CNTNAP3: variants seen among roughly 807,000 people sequenced by gnomAD.
The protein encoded by CNTNAP3 is contactin-associated protein-like 3.
A neutral mutation model predicts 92.1 loss-of-function variants in CNTNAP3; 36 were observed. The observed-to-expected ratio is 0.39, with a 90% CI of 0.30 to 0.52. The LOEUF is 0.52. Ranked by LOEUF, CNTNAP3 falls within the 20% of genes least tolerant of loss-of-function variation. CNTNAP3 has a pLI of 0.76. For synonymous variants in CNTNAP3, 232 were observed against 422.3 expected (o/e 0.55, Z 5.53); for missense variants, 534 against 1,069.6 (o/e 0.50, Z 6.98).
At chr9:39,110,559 C>T (rs1270854461) in intron 14 of CNTNAP3, among the ~76,000 whole-genome samples, 1 of 152,088 alleles carries the variant, frequency 6.6e-6, no homozygotes, top group African/African-American at 2.4e-5. Flanking sequence ...AATTATGTGA[C>T]TGGGAAAATA....
At chr9:39,083,183 A>G (rs183057894) in intron 21 of CNTNAP3, among the ~76,000 whole-genome samples, 142 of 152,186 alleles carry the variant, frequency 9.3e-4, no homozygotes, top group African/African-American at 3.3e-3. Flanking sequence ...TATTTGAAAT[A>G]TAGTCCTTCA....
intron 23 of CNTNAP3, among the ~76,000 whole-genome samples, chr9:39,074,619 G>C (rs908907309): frequency 6.6e-6 from 1 of 151,750 alleles, no homozygotes; most frequent in African/African-American, 2.4e-5. Context: ...CTCTAAGACC[G>C]CGTACATCCT....
At chr9:39,133,693 GT>G (rs1204540956) in intron 12 of CNTNAP3, among the ~76,000 whole-genome samples, 1 of 151,962 alleles carries the variant, frequency 6.6e-6, no homozygotes, top group Non-Finnish European at 1.5e-5. Context: ...TTTCCAGGCG[GT>G]GACCCTGAGC....
At chr9:39,089,378 A>G (rs1327010403) in intron 18 of CNTNAP3, among the ~76,000 whole-genome samples, 9 of 152,338 alleles carry the variant, frequency 5.9e-5, no homozygotes, top group African/African-American at 1.2e-4. Flanking sequence ...TGTAGCATGT[A>G]TCAGTATTTT....
At position 39,132,994 on chromosome 9, in the gene CNTNAP3, G is replaced by A. The variant is rs1388447492; in HGVS notation, c.2018C>T (p.Ala673Val). Residue 673 changes from alanine (A) to valine (V), a missense_variant, in exon 13 of 24, where the codon GCG becomes GTG. Ala to Val is a moderately conservative substitution (Grantham distance 64). Coordinates refer to ENST00000297668, the MANE Select transcript of CNTNAP3 (RefSeq NM_033655.5). ...AGCCAGCCGCTGCTCGCAGCGCTCCGCCAGGTTCACCGCGGACCGCAGCTG... is the reference window on the plus strand; with the variant it reads ...AGCCAGCCGCTGCTCGCAGCGCTCCACCAGGTTCACCGCGGACCGCAGCTG... Reference protein sequence around the residue: ...AGQLRSAVNLAERCEQRLALR... With the variant: ...AGQLRSAVNLVERCEQRLALR... The A allele has an allele frequency of 1.9e-6, 3 of 1,540,264 alleles. No homozygotes were observed. The highest frequency in any genetic ancestry group is 1.4e-5 in the African/African-American group (1 of 72,542).
rs577431316 is a variant in CNTNAP3, at chr9:39,078,589, AAAG to A, written c.3673+98_3673+100del. 428 of 1,546,614 alleles carry A rather than the reference AAAG, an allele frequency of 2.8e-4. No homozygotes were observed. The African/African-American group carries it at 4.4e-3, about 16-fold the overall frequency. On this transcript the variant is annotated intron_variant, in intron 22 of 23. Transcript: ENST00000297668. ...AAAAATGTATTTTAAAAAAGGAAAAAAAGAAGGATGACAGAGACGGAGAAAAGA... is the reference window on the plus strand; with the variant it reads ...AAAAATGTATTTTAAAAAAGGAAAAAAAGGATGACAGAGACGGAGAAAAGA...
intron 9 of CNTNAP3, among the ~76,000 whole-genome samples, chr9:39,162,520 A>G (rs1822096265): frequency 2.4e-5 from 1 of 40,920 alleles, no homozygotes; most frequent in Admixed American, 2.7e-4. Flanking sequence ...TCTACCATAA[A>G]GACACACAGA....
chr9:39,118,458 A>C (rs1044320081), intron 13 of CNTNAP3, among the ~76,000 whole-genome samples, 199 bp from the exon 14 acceptor site: 3 of 152,122 alleles, frequency 2.0e-5, no homozygotes, highest in Admixed American at 1.3e-4. Flanking sequence ...CAATATTTCA[A>C]TATCTAGGCT....
chr9:39,121,059 G>C (rs1421703332), intron 13 of CNTNAP3, among the ~76,000 whole-genome samples: 1 of 151,864 alleles, frequency 6.6e-6, no homozygotes, highest in Non-Finnish European at 1.5e-5. Context: ...CAAGCAACGA[G>C]TAAGAAAATT....
At chr9:39,087,854 G>A (rs978122811) in intron 19 of CNTNAP3, among the ~76,000 whole-genome samples, 1 of 152,148 alleles carries the variant, frequency 6.6e-6, no homozygotes, top group Non-Finnish European at 1.5e-5. Context: ...CAGACTTAAA[G>A]CTTGGTCTTC....
Position 39,103,922 on chromosome 9 carries a change from C to T in CNTNAP3, c.2366-8G>A. On this transcript the variant is annotated splice_region_variant and splice_polypyrimidine_tract_variant and intron_variant, in intron 15 of 23. Coordinates refer to ENST00000297668, the MANE Select transcript of CNTNAP3 (RefSeq NM_033655.5). The stretch of plus-strand genomic sequence containing the variant: ...CTGAATTCCAGAATGACTCTGTTTA[C>T]AATAGAGAAAACGACAAAAGGAAAA... The T allele has an allele frequency of 6.4e-7, 1 of 1,573,982 alleles. No individual in the cohort carries two copies. The highest frequency in any genetic ancestry group is 8.6e-7 in the Non-Finnish European group (1 of 1,165,980).
chr9:39,143,061 GA>G (rs1308512538), intron 11 of CNTNAP3, among the ~76,000 whole-genome samples: 1 of 151,012 alleles, frequency 6.6e-6, no homozygotes, highest in Admixed American at 6.6e-5. Context: ...TATACAGAAA[GA>G]AAACTTTAAA....
chr9:39,084,230 G>A (rs553498426), intron 21 of CNTNAP3, among the ~76,000 whole-genome samples: 4 of 134,408 alleles, frequency 3.0e-5, no homozygotes, highest in South Asian at 2.3e-4. Flanking sequence ...ACAGAGTCTC[G>A]CTCTGTCATC....
At chr9:39,108,518 TCTC>T (rs1826662172) in intron 15 of CNTNAP3, among the ~76,000 whole-genome samples, 1 of 152,132 alleles carries the variant, frequency 6.6e-6, no homozygotes. Context: ...GTCTCAGACT[TCTC>T]CACGGCAATG....
chr9:39,078,769 G>A lies in CNTNAP3; in HGVS notation c.3594C>T (p.Ala1198=), dbSNP rs373709763. 157 of 1,517,152 alleles carry A rather than the reference G, an allele frequency of 1.0e-4. No homozygotes were observed. The East Asian group carries it at 2.4e-3, about 23-fold the overall frequency. 94.0% of individuals were successfully genotyped at this position (1,517,152 alleles called of 1,614,324 possible). Residue 1198 remains alanine (A), a synonymous_variant, in exon 22 of 24, where the codon GCC becomes GCT. Transcript: ENST00000297668. ...CCCCCGCTGCGCAGCGGGCCATAGG[G>A]GCCACGTGGCCGCGGACGGTGACCC... ...PSRVTVRGHV[A]PMARCAAGAA...
intron 23 of CNTNAP3, among the ~76,000 whole-genome samples, chr9:39,076,157 T>C (rs1014534659): frequency 1.1e-4 from 16 of 152,302 alleles, no homozygotes; most frequent in Admixed American, 7.2e-4. Flanking sequence ...CCAGTGATAT[T>C]TGACCACCAG....
intron 11 of CNTNAP3, among the ~76,000 whole-genome samples, chr9:39,141,809 G>A (rs1821581395): frequency 6.6e-6 from 1 of 152,094 alleles, no homozygotes; most frequent in African/African-American, 2.4e-5. Flanking sequence ...TGCTTTATGT[G>A]AATTTTTTGG....
At chr9:39,142,848 C>G (rs374016486) in intron 11 of CNTNAP3, among the ~76,000 whole-genome samples, 2 of 151,960 alleles carry the variant, frequency 1.3e-5, no homozygotes, top group Non-Finnish European at 2.9e-5. Context: ...CATGTATGAA[C>G]TGTGGTTTTA....
chr9:39,131,655 G>C (rs1218996090), intron 13 of CNTNAP3, among the ~76,000 whole-genome samples: 1 of 152,110 alleles, frequency 6.6e-6, no homozygotes, highest in Admixed American at 6.5e-5. Context: ...GTGAAACCCC[G>C]TCTCTACTAA....
Sources: allele counts gnomAD v4.1 joint callset (sites outside exome capture counted in the v4.1 genomes callset), GRCh38; gene constraint gnomAD v4.1.1; transcripts MANE v1.5; gene names NCBI Gene and HGNC (gene_info 2026-07-23, HGNC 2026-07-21).